The following TOX3 variants were observed in gnomAD, a reference collection of about 807,000 sequenced individuals.
TOX3 encodes the protein TOX high mobility group box family member 3.
A neutral mutation model predicts 64.3 loss-of-function variants in TOX3; 22 were observed. That is an observed-to-expected ratio of 0.34 (90% CI 0.24 to 0.49). The LOEUF (loss-of-function observed/expected upper bound fraction) is 0.49. Among genes scored for constraint, TOX3 ranks in the 20% least tolerant of loss-of-function variants. The pLI is 0.99. For missense variants in TOX3, 661 were observed against 714.4 expected, an observed-to-expected ratio of 0.93 and a Z score of 0.85; for synonymous variants, 291 against 273.6, an observed-to-expected ratio of 1.06 and a Z score of -0.63.
At chr16:52,518,196 G>T (rs977222592) in intron 1 of TOX3, among the ~76,000 whole-genome samples, 1 of 152,048 alleles carries the variant, frequency 6.6e-6, no homozygotes, top group Non-Finnish European at 1.5e-5. Flanking sequence ...TATCTTTTCC[G>T]TATATACTTA....
At chr16:52,460,157 T>C (rs1398608108) in intron 3 of TOX3, among the ~76,000 whole-genome samples, 1 of 152,218 alleles carries the variant, frequency 6.6e-6, no homozygotes, top group Non-Finnish European at 1.5e-5. Flanking sequence ...TCTTTTTCAA[T>C]TTTCTAATAC....
At position 52,439,999 on chromosome 16, in the gene TOX3, T is replaced by C. The variant is rs189491926; in HGVS notation, c.988-31A>G. On this transcript the variant is annotated intron_variant, in intron 6 of 6. Coordinates refer to ENST00000219746, the MANE Select transcript of TOX3 (RefSeq NM_001080430.4). The stretch of plus-strand genomic sequence containing the variant: ...TTTTGGGGGAGAAAATTCCAGACTG[T>C]TACAACACATAAGTATTTAAAATAT... The C allele has an allele frequency of 5.6e-5, 83 of 1,479,282 alleles. No homozygotes were observed. The East Asian group carries it at 1.3e-3, about 24-fold the overall frequency. The allele number at this position is 1,479,282 out of a possible 1,614,324, so 91.6% of individuals were successfully genotyped here.
At chr16:52,454,442 T>C (rs569361872) in intron 3 of TOX3, among the ~76,000 whole-genome samples, 1 of 152,270 alleles carries the variant, frequency 6.6e-6, no homozygotes, top group East Asian at 1.9e-4. Context: ...AATTGATGCA[T>C]CAAAATGTGC....
chr16:52,460,406 T>C (rs1960654394), intron 3 of TOX3, among the ~76,000 whole-genome samples: 5 of 152,214 alleles, frequency 3.3e-5, no homozygotes, highest in Admixed American at 3.3e-4. Flanking sequence ...AAGAGAATTT[T>C]GAAATTCATC....
chr16:52,523,758 C>T (rs188094823), intron 1 of TOX3, among the ~76,000 whole-genome samples: 2 of 152,180 alleles, frequency 1.3e-5, no homozygotes, highest in African/African-American at 4.8e-5. Flanking sequence ...GAAATTTTCA[C>T]CATAAAAGAA....
At chr16:52,469,902 A>G (rs971101908) in intron 1 of TOX3, among the ~76,000 whole-genome samples, 8 of 152,208 alleles carry the variant, frequency 5.3e-5, no homozygotes, top group African/African-American at 1.7e-4. Flanking sequence ...GATTTATACA[A>G]AAGACTCTAA....
At chr16:52,466,694 C>T (rs537870351) in intron 2 of TOX3, among the ~76,000 whole-genome samples, 1 of 152,110 alleles carries the variant, frequency 6.6e-6, no homozygotes, top group East Asian at 1.9e-4. Flanking sequence ...TGCAATATGT[C>T]CCTATGGTAT....
intron 1 of TOX3, among the ~76,000 whole-genome samples, chr16:52,507,186 G>A (rs1962182222): frequency 6.6e-6 from 1 of 152,180 alleles, no homozygotes; most frequent in African/African-American, 2.4e-5. Flanking sequence ...AATGGGGATA[G>A]AAAGGGAGCC....
chr16:52,521,216 A>G (rs1962599577), intron 1 of TOX3, among the ~76,000 whole-genome samples: 1 of 152,234 alleles, frequency 6.6e-6, no homozygotes, highest in African/African-American at 2.4e-5. Flanking sequence ...ATGTAATAAG[A>G]AAGCCTGAAA....
intron 1 of TOX3, among the ~76,000 whole-genome samples, chr16:52,535,102 A>C (rs1485696239): frequency 1.3e-5 from 2 of 152,220 alleles, no homozygotes; most frequent in African/African-American, 4.8e-5. Flanking sequence ...AAAACTTTGA[A>C]GTTTAGGAAA....
Position 52,450,535 on chromosome 16 carries a change from G to A in TOX3, c.420C>T (p.His140=). ...CCTGCCGGTACTGGGACACTTGTGT[G>A]TGGCTCTGATCCTAGAAAGGCAGCA... The part of the protein sequence containing the change: ...HSSGLHMDQS[H]TQVSQYRQDP... The change falls in exon 4 of 7, where the codon CAC becomes CAT. Residue 140 remains histidine (H), a synonymous_variant. Coordinates refer to ENST00000219746, the MANE Select transcript of TOX3 (RefSeq NM_001080430.4). The A allele has an allele frequency of 6.2e-7, 1 of 1,614,006 alleles. No homozygotes were observed. The highest frequency in any genetic ancestry group is 2.2e-5 in the East Asian group (1 of 44,882).
chr16:52,456,029 C>T (rs992569372), intron 3 of TOX3, among the ~76,000 whole-genome samples: 11 of 152,028 alleles, frequency 7.2e-5, no homozygotes, highest in African/African-American at 2.4e-4. Flanking sequence ...AACATACTGC[C>T]GATAAGGAAA....
At chr16:52,541,980 T>C (rs1963085411) in intron 1 of TOX3, among the ~76,000 whole-genome samples, 2 of 152,188 alleles carry the variant, frequency 1.3e-5, no homozygotes, top group Non-Finnish European at 2.9e-5. Flanking sequence ...TTACAACTAA[T>C]AGATGTGAAG....
At chr16:52,527,528 T>G (rs1175066798) in intron 1 of TOX3, among the ~76,000 whole-genome samples, 1 of 152,206 alleles carries the variant, frequency 6.6e-6, no homozygotes, top group Non-Finnish European at 1.5e-5. Context: ...TTGAAAAGTC[T>G]TTTTGCTAAC....
intron 1 of TOX3, among the ~76,000 whole-genome samples, chr16:52,499,016 A>G (rs1961930741): frequency 6.6e-6 from 1 of 152,262 alleles, no homozygotes; most frequent in Non-Finnish European, 1.5e-5. Flanking sequence ...GTTTTACATT[A>G]CAGTCCCATT....
chr16:52,448,559 C>T lies in TOX3; in HGVS notation c.678+1718G>A, dbSNP rs1358503879. Among the ~76,000 whole-genome samples the T allele has an allele frequency of 6.6e-5, 10 of 152,236 alleles. No homozygotes were observed. In the East Asian group the frequency reaches 1.9e-3, roughly 29 times the overall value. On this transcript the variant is annotated intron_variant, in intron 4 of 6. Transcript: ENST00000219746. ...TGTCAGTGTATTTACCATTCCTGGGCCCAATGGGGGTGCTAACATGATGTT... is the reference window on the plus strand; with the variant it reads ...TGTCAGTGTATTTACCATTCCTGGGTCCAATGGGGGTGCTAACATGATGTT...
At chr16:52,459,650 T>C (rs1459864453) in intron 3 of TOX3, among the ~76,000 whole-genome samples, 1 of 152,164 alleles carries the variant, frequency 6.6e-6, no homozygotes, top group African/African-American at 2.4e-5. Flanking sequence ...CTATTGACAA[T>C]GGCAATGAAT....
At chr16:52,532,544 G>T (rs992283798) in intron 1 of TOX3, among the ~76,000 whole-genome samples, 69 of 152,322 alleles carry the variant, frequency 4.5e-4, no homozygotes, top group African/African-American at 1.6e-3. Context: ...ACCCAGAATA[G>T]GATAAGCACT....
At chr16:52,532,585 A>T (rs1045790922) in intron 1 of TOX3, among the ~76,000 whole-genome samples, 2 of 152,240 alleles carry the variant, frequency 1.3e-5, no homozygotes, top group Non-Finnish European at 2.9e-5. Context: ...AATTGCTGAC[A>T]TGCAGAATCA....
Sources: allele counts gnomAD v4.1 joint callset (sites outside exome capture counted in the v4.1 genomes callset), GRCh38; gene constraint gnomAD v4.1.1; transcripts MANE v1.5; gene names NCBI Gene and HGNC (gene_info 2026-07-23, HGNC 2026-07-21).